Variants in NEDD8 observed in about 807,000 individuals in gnomAD.
NEDD8 encodes the protein ubiquitin-like protein NEDD8.
In NEDD8, 1 loss-of-function variant was observed where a neutral mutation model predicts 13.8. That is an observed-to-expected ratio of 0.07 (90% CI 0.03 to 0.34). The LOEUF (loss-of-function observed/expected upper bound fraction) is 0.34, where lower values mean the gene tolerates loss of function less well. NEDD8 is among the 10% of genes least tolerant of loss of function. The pLI is 0.99. For synonymous variants in NEDD8, 31 were observed against 33.2 expected (o/e 0.93, Z 0.23); for missense variants, 10 against 95.2 (o/e 0.10, Z 3.73).
At chr14:24,226,304 C>T (rs2039889621) in intron 1 of NEDD8, among the ~76,000 whole-genome samples, 1 of 151,718 alleles carries the variant, frequency 6.6e-6, no homozygotes, top group Non-Finnish European at 1.5e-5. Context: ...CCAGCATGGC[C>T]AACATGGCAA....
At chr14:24,225,480 G>A (rs2039877288) in intron 1 of NEDD8, among the ~76,000 whole-genome samples, 2 of 152,138 alleles carry the variant, frequency 1.3e-5, no homozygotes, top group South Asian at 4.1e-4. Context: ...ACTGAAATAT[G>A]TAGGAATAAC....
At chr14:24,231,367 A>AATGACTATT (rs2040013256) in intron 1 of NEDD8, among the ~76,000 whole-genome samples, 2 of 152,138 alleles carry the variant, frequency 1.3e-5, no homozygotes, top group Non-Finnish European at 2.9e-5. Context: ...GAAGGTTAAG[A>AATGACTATT]ATGACTATTA....
At chr14:24,219,436 C>T (rs563226003) in intron 1 of NEDD8, among the ~76,000 whole-genome samples, 7 of 121,536 alleles carry the variant, frequency 5.8e-5, no homozygotes, top group African/African-American at 1.9e-4. Flanking sequence ...CAGTAAGCCA[C>T]GATTGTGCCA....
intron 1 of NEDD8, among the ~76,000 whole-genome samples, chr14:24,229,164 G>A (rs1405321336): frequency 6.6e-6 from 1 of 152,176 alleles, no homozygotes. Context: ...ACAGGTGATA[G>A]GACACTGTAT....
intron 1 of NEDD8, among the ~76,000 whole-genome samples, chr14:24,224,640 T>C (rs2039860826): frequency 6.6e-6 from 1 of 152,180 alleles, no homozygotes; most frequent in African/African-American, 2.4e-5. Flanking sequence ...CCAGCTAATA[T>C]ATGAAGCAAC....
At chr14:24,223,783 T>A (rs1479612301) in intron 1 of NEDD8, among the ~76,000 whole-genome samples, 1 of 151,682 alleles carries the variant, frequency 6.6e-6, no homozygotes, top group Non-Finnish European at 1.5e-5. Context: ...TCACCCAGAC[T>A]GGAGTGCTGT....
intron 1 of NEDD8, among the ~76,000 whole-genome samples, chr14:24,220,332 T>C (rs1430996261): frequency 5.9e-5 from 9 of 152,170 alleles, no homozygotes; most frequent in Non-Finnish European, 1.2e-4. Flanking sequence ...TTCCTTTTAT[T>C]TTTTTAAGAG....
intron 1 of NEDD8, among the ~76,000 whole-genome samples, chr14:24,220,015 T>C (rs1235481912): frequency 6.6e-6 from 1 of 152,316 alleles, no homozygotes; most frequent in East Asian, 1.9e-4. Context: ...GGCGCATGCC[T>C]GTAATCCCAA....
intron 1 of NEDD8, 161 bp from the exon 2 acceptor site, chr14:24,218,592 A>G (rs2039747682): frequency 1.1e-6 from 1 of 945,088 alleles, no homozygotes; most frequent in Non-Finnish European, 1.6e-6. Flanking sequence ...ACATACCTTC[A>G]TTTATCAAAT....
chr14:24,229,485 T>C (rs1382251953), intron 1 of NEDD8, among the ~76,000 whole-genome samples: 1 of 152,222 alleles, frequency 6.6e-6, no homozygotes, highest in African/African-American at 2.4e-5. Context: ...CCCAAAGTGC[T>C]GGGATTACAG....
chr14:24,226,609 CTAGATA>C (rs1341280715), intron 1 of NEDD8: 3 of 151,992 alleles, frequency 2.0e-5, no homozygotes, highest in Non-Finnish European at 2.9e-5. Context: ...TTATATAACA[CTAGATA>C]TAGTGTTTTA....
intron 1 of NEDD8, among the ~76,000 whole-genome samples, chr14:24,225,467 A>G (rs1356653635): frequency 6.6e-6 from 1 of 152,224 alleles, no homozygotes; most frequent in Non-Finnish European, 1.5e-5. Flanking sequence ...TTCACAGAAA[A>G]ACACTGAAAT....
rs1157634536 is a variant in NEDD8 at position 24,217,073 on chromosome 14, A to C, written c.*54T>G. 11 of 1,404,432 alleles carry C rather than the reference A, an allele frequency of 7.8e-6. No homozygotes were observed. Among genetic ancestry groups the C allele is most frequent in the Non-Finnish European group, 1.1e-5 (11 of 1,003,524 alleles). The allele number at this position is 1,404,432 out of a possible 1,614,324, so 87.0% of individuals were successfully genotyped here. The stretch of plus-strand genomic sequence containing the variant: ...CTATGGTGTCCCAGAGAGTGAGAGG[A>C]TATATGATGCCTCATTATGAGCGAC... On this transcript the variant is annotated 3_prime_UTR_variant, in exon 4 of 4. Coordinates refer to ENST00000250495, the MANE Select transcript of NEDD8 (RefSeq NM_006156.3).
intron 1 of NEDD8, chr14:24,227,637 T>C (rs2039913922): frequency 6.6e-6 from 1 of 152,228 alleles, no homozygotes; most frequent in African/African-American, 2.4e-5. Context: ...TTGATGGGAT[T>C]AATACACGAG....
intron 3 of NEDD8, 40 bp downstream of exon 3, chr14:24,218,085 TCATCTTCA>T: frequency 6.2e-7 from 1 of 1,612,542 alleles, no homozygotes; most frequent in Non-Finnish European, 8.5e-7. Context: ...TCTCCTCTTC[TCATCTTCA>T]CATAAGATCG....
At chr14:24,221,742 C>G (rs933804133) in intron 1 of NEDD8, among the ~76,000 whole-genome samples, 1 of 152,070 alleles carries the variant, frequency 6.6e-6, no homozygotes, top group Non-Finnish European at 1.5e-5. Context: ...GGACTACAGG[C>G]ATGCACCACC....
intron 1 of NEDD8, among the ~76,000 whole-genome samples, chr14:24,229,338 C>T (rs2039951098): frequency 6.6e-6 from 1 of 152,184 alleles, no homozygotes; most frequent in Non-Finnish European, 1.5e-5. Context: ...TCCTGCCTCA[C>T]CCTGTCAAGT....
rs2039710475 is a variant in NEDD8 at position 24,216,919 on chromosome 14, C to T, written c.*208G>A. ...GACACAGTCATAAGAGAGGGAAGCA[C>T]ACAGGACTGCAAACTAACACCCAGT... is the stretch of plus-strand genomic sequence containing the variant. On this transcript the variant is annotated 3_prime_UTR_variant, in exon 4 of 4. Coordinates refer to ENST00000250495, the MANE Select transcript of NEDD8 (RefSeq NM_006156.3). 3.6e-6 allele frequency: 2 copies of T among 560,136 alleles called. No homozygotes were observed. Among genetic ancestry groups the T allele is most frequent in the Admixed American group, 3.5e-5 (1 of 28,526 alleles). 34.7% of individuals were successfully genotyped at this position (560,136 alleles called of 1,614,324 possible).
rs1188125475 is a variant in NEDD8 at position 24,223,501 on chromosome 14, T to C, written c.19-5070A>G. 2.0e-5 allele frequency among the ~76,000 whole-genome samples: 3 copies of C among 152,180 alleles called. No individual in the cohort carries two copies. In the East Asian group the frequency reaches 5.8e-4, roughly 29 times the overall value. ...TAATTTACAATAGAAAAAGTAGATT[T>C]ATACACCCAACTTGTTCTAAACATA... On this transcript the variant is annotated intron_variant, in intron 1 of 3. Coordinates refer to ENST00000250495, the MANE Select transcript of NEDD8 (RefSeq NM_006156.3).
Sources: gnomAD v4.1 joint callset for allele counts (sites outside exome capture counted in the v4.1 genomes callset) on GRCh38, gnomAD v4.1.1 for gene constraint, MANE v1.5 for transcripts, NCBI Gene and HGNC (gene_info 2026-07-23, HGNC 2026-07-21) for gene names.